The following SUGT1 variants were observed in gnomAD, a reference collection of about 807,000 sequenced individuals.
SUGT1 encodes SGT1 assembly cochaperone of MIS12 kinetochore complex.
Under a neutral mutation model 56.1 loss-of-function variants are expected in SUGT1, and 15 were observed. The ratio of observed to expected loss-of-function variants is 0.27; its 90% confidence interval spans 0.18 to 0.41. SUGT1 has a LOEUF of 0.41. SUGT1 is among the 10% of genes least tolerant of loss of function. The pLI is 1.00. For synonymous variants in SUGT1, 123 were observed against 128.6 expected (o/e 0.96, Z 0.30); for missense variants, 347 against 382.2 (o/e 0.91, Z 0.77).
intron 8 of SUGT1, 101 bp from the exon 9 acceptor site, chr13:52,665,536 T>C: frequency 1.3e-6 from 1 of 776,816 alleles, no homozygotes; most frequent in Non-Finnish European, 2.0e-6. Context: ...GTTTTCTTCC[T>C]CCAGGTGGGG....
chr13:52,658,030 TG>T, intron 3 of SUGT1: 1 of 1,118,984 alleles, frequency 8.9e-7, no homozygotes, highest in Non-Finnish European at 1.1e-6. Context: ...AAGACCAGCC[TG>T]GGCAACATAA....
chr13:52,653,170 G>T, intron 2 of SUGT1, 67 bp downstream of exon 2: 2 of 1,590,194 alleles, frequency 1.3e-6, no homozygotes, highest in South Asian at 2.2e-5. Flanking sequence ...GGTCCCCGCT[G>T]ACCCGCCTTC....
chr13:52,698,158 T>C lies in SUGT1; in HGVS notation c.*10323T>C, dbSNP rs1963989829. 2 of 152,184 alleles carry C rather than the reference T, an allele frequency of 1.3e-5. No individual in the cohort carries two copies. The highest frequency in any genetic ancestry group is 4.8e-5 in the African/African-American group (2 of 41,426). The allele number at this position is 152,184 out of a possible 1,614,324, so 9.4% of individuals were successfully genotyped here. A position where few individuals can be genotyped will look rare whatever the true frequency, so the allele number is the denominator to read the frequency against. ...TTAAAATCAGATCAACAGAGCATGT[T>C]TTTATGGGCCATCTGACAAGACTAG... On this transcript the variant is annotated 3_prime_UTR_variant, in exon 13 of 13. Transcript: ENST00000310528.
chr13:52,687,134 C>T (rs1391245722), intron 12 of SUGT1: 1 of 139,176 alleles, frequency 7.2e-6, no homozygotes, highest in Non-Finnish European at 1.5e-5. Flanking sequence ...AATGAATATG[C>T]TTGGGTTGTT....
intron 4 of SUGT1, among the ~76,000 whole-genome samples, chr13:52,658,879 T>C (rs1962291112): frequency 6.6e-6 from 1 of 152,082 alleles, no homozygotes; most frequent in South Asian, 2.1e-4. Context: ...ATCTTGTTTC[T>C]GTTGATAAGT....
chr13:52,687,491 T>C, intron 12 of SUGT1: 1 of 244,360 alleles, frequency 4.1e-6, no homozygotes, highest in Non-Finnish European at 7.7e-6. Flanking sequence ...GGATTTCCTT[T>C]TCAGATTTTA....
chr13:52,666,451 G>A (rs867186102), intron 9 of SUGT1, among the ~76,000 whole-genome samples: 2 of 152,112 alleles, frequency 1.3e-5, no homozygotes, highest in Non-Finnish European at 2.9e-5. Flanking sequence ...TTTAAAAGAG[G>A]TAGTGATAGA....
chr13:52,693,832 G>A lies in SUGT1; in HGVS notation c.*5997G>A, dbSNP rs1213468267. ...AATATTAAATGTTTAATTATAGAAT[G>A]CTAGCACTGATCCTGCTGAAATTGT... On this transcript the variant is annotated 3_prime_UTR_variant, in exon 13 of 13. Transcript: ENST00000310528. 2 of 152,152 alleles carry A rather than the reference G, an allele frequency of 1.3e-5. No individual in the cohort carries two copies. Among genetic ancestry groups the A allele is most frequent in the African/African-American group, 4.8e-5 (2 of 41,426 alleles). 9.4% of individuals were successfully genotyped at this position (152,152 alleles called of 1,614,324 possible).
At chr13:52,678,564 T>C (rs550823123) in intron 11 of SUGT1, among the ~76,000 whole-genome samples, 1 of 152,212 alleles carries the variant, frequency 6.6e-6, no homozygotes, top group Non-Finnish European at 1.5e-5. Flanking sequence ...TGTTACCTGT[T>C]GAGCACTTGA....
In SUGT1 at chr13:52,699,311, A is replaced by G. The variant is rs1486420388; in HGVS notation, c.*11476A>G. 1 of 152,166 alleles carries G rather than the reference A, an allele frequency of 6.6e-6. No homozygotes were observed. Among genetic ancestry groups the G allele is most frequent in the Non-Finnish European group, 1.5e-5 (1 of 68,030 alleles). The allele number at this position is 152,166 out of a possible 1,614,324, so 9.4% of individuals were successfully genotyped here. Reference sequence around the variant, plus strand: ...AAAGTGAAACAAAATGAGAATAACTATTTGGGCAAAACACTTTTATCACTG... The same window carrying G: ...AAAGTGAAACAAAATGAGAATAACTGTTTGGGCAAAACACTTTTATCACTG... On this transcript the variant is annotated 3_prime_UTR_variant, in exon 13 of 13. Coordinates refer to ENST00000310528, the MANE Select transcript of SUGT1 (RefSeq NM_006704.5).
At chr13:52,685,262 T>C (rs200107548) in intron 12 of SUGT1, among the ~76,000 whole-genome samples, 34,703 of 127,404 alleles carry the variant, frequency 0.27, 3,343 homozygotes, top group Admixed American at 0.36. Context: ...TCTTCTTTTT[T>C]TTTTTTTTTT....
chr13:52,662,983 G>T, intron 6 of SUGT1, 113 bp from the exon 7 acceptor site: 1 of 1,194,050 alleles, frequency 8.4e-7, no homozygotes, highest in South Asian at 1.5e-5. Flanking sequence ...TAGTTGAAAG[G>T]TACGGAGAAT....
At chr13:52,654,466 T>C (rs1435409185) in intron 2 of SUGT1, among the ~76,000 whole-genome samples, 2 of 152,248 alleles carry the variant, frequency 1.3e-5, no homozygotes, top group Admixed American at 1.3e-4. Context: ...TATGGAGGCA[T>C]ATATGATTTA....
chr13:52,681,669 C>T (rs9526975), intron 12 of SUGT1, among the ~76,000 whole-genome samples: 46,678 of 151,634 alleles, frequency 0.31, 7,754 homozygotes, highest in Middle Eastern at 0.39. Context: ...ATGGTAAGTT[C>T]TGGTCTCTAC....
chr13:52,671,279 T>C (rs1249244711), intron 10 of SUGT1, among the ~76,000 whole-genome samples: 1 of 150,728 alleles, frequency 6.6e-6, no homozygotes, highest in Non-Finnish European at 1.5e-5. Flanking sequence ...AATGTATTCT[T>C]ATCTTTTCAT....
chr13:52,685,261 T>C (rs867374993), intron 12 of SUGT1, among the ~76,000 whole-genome samples: 2,270 of 120,868 alleles, frequency 0.019, 10 homozygotes, highest in Middle Eastern at 0.046. Context: ...TTCTTCTTTT[T>C]TTTTTTTTTT....
chr13:52,663,874 A>G (rs138762093), intron 7 of SUGT1, among the ~76,000 whole-genome samples, 161 bp from the exon 8 acceptor site: 321 of 152,308 alleles, frequency 2.1e-3, no homozygotes, highest in African/African-American at 5.9e-3. Context: ...TAACAATTAC[A>G]GTTACTATGT....
At chr13:52,663,830 G>C (rs1342164474) in intron 7 of SUGT1, among the ~76,000 whole-genome samples, 1 of 152,050 alleles carries the variant, frequency 6.6e-6, no homozygotes, top group East Asian at 1.9e-4. Context: ...TAAATGCTGA[G>C]CATTCTAATT....
At chr13:52,681,233 T>C (rs1470739476) in intron 12 of SUGT1, among the ~76,000 whole-genome samples, 2 of 145,770 alleles carry the variant, frequency 1.4e-5, no homozygotes, top group African/African-American at 5.1e-5. Context: ...CTGGGCAACA[T>C]AGAGAGACCC....
Sources: allele counts gnomAD v4.1 joint callset (sites outside exome capture counted in the v4.1 genomes callset), GRCh38; gene constraint gnomAD v4.1.1; transcripts MANE v1.5; gene names NCBI Gene and HGNC (gene_info 2026-07-23, HGNC 2026-07-21).